CHRM3: variants seen among roughly 807,000 people sequenced by gnomAD.
The protein encoded by CHRM3 is muscarinic acetylcholine receptor M3.
In CHRM3, 11 loss-of-function variants were observed where a neutral mutation model predicts 41.8. That is an observed-to-expected ratio of 0.26 (90% CI 0.17 to 0.44). CHRM3 has a LOEUF of 0.44. Ranked by LOEUF, CHRM3 falls within the 20% of genes least tolerant of loss-of-function variation. The pLI, the probability that CHRM3 is intolerant of heterozygous loss-of-function variation, is 1.00. For synonymous variants in CHRM3, 297 were observed against 301.4 expected (o/e 0.99, Z 0.15); for missense variants, 571 against 745.4 (o/e 0.77, Z 2.72).
chr1:239,416,824 G>T (rs1661538116), intron 1 of CHRM3, among the ~76,000 whole-genome samples: 1 of 152,168 alleles, frequency 6.6e-6, no homozygotes, highest in South Asian at 2.1e-4. Context: ...CAATAAGTAT[G>T]AGGATGGATA....
intron 6 of CHRM3, among the ~76,000 whole-genome samples, chr1:239,846,318 C>T (rs1004104599): frequency 2.0e-5 from 3 of 152,110 alleles, no homozygotes; most frequent in Non-Finnish European, 4.4e-5. Flanking sequence ...GAGACTTGAA[C>T]ATATATCTAG....
intron 5 of CHRM3, among the ~76,000 whole-genome samples, chr1:239,799,260 A>T (rs575520091): frequency 6.6e-6 from 1 of 152,132 alleles, no homozygotes; most frequent in Non-Finnish European, 1.5e-5. Flanking sequence ...AGTGATGAGG[A>T]GTGGAGTGCA....
rs202235271 is a variant in CHRM3 at position 239,908,467 on chromosome 1, A to G, written c.1016A>G (p.Asn339Ser). 2.5e-6 allele frequency: 4 copies of G among 1,612,300 alleles called. No individual in the cohort carries two copies. The highest frequency in any genetic ancestry group is 3.4e-6 in the Non-Finnish European group (4 of 1,179,128). ...CACAGCAGCAGTGACAGTTGGAACAACAATGATGCTGCTGCCTCCCTGGAG... is the reference window on the plus strand; with the variant it reads ...CACAGCAGCAGTGACAGTTGGAACAGCAATGATGCTGCTGCCTCCCTGGAG... ...QDHSSSDSWN[N>S]NDAAASLENS... is the part of the protein sequence containing the mutation. The change falls in exon 7 of 7, where the codon AAC (asparagine) becomes AGC (serine). Residue 339 changes from asparagine to serine, a missense_variant. Transcript: ENST00000676153. The surrounding 1 kb of genome is among the most constrained non-coding windows in gnomAD (Gnocchi z 7.2).
At chr1:239,743,447 G>A (rs1487189292) in intron 5 of CHRM3, among the ~76,000 whole-genome samples, 1 of 152,340 alleles carries the variant, frequency 6.6e-6, no homozygotes, top group South Asian at 2.1e-4. Flanking sequence ...GGTGGCCTGA[G>A]CATGAGAGTC....
At chr1:239,570,037 T>A (rs1246853902) in intron 3 of CHRM3, among the ~76,000 whole-genome samples, 1 of 152,096 alleles carries the variant, frequency 6.6e-6, no homozygotes, top group Non-Finnish European at 1.5e-5. Flanking sequence ...AAAAGAAAGT[T>A]CAGGGTGATT....
intron 3 of CHRM3, among the ~76,000 whole-genome samples, chr1:239,562,888 CA>C (rs1269385069): frequency 0.051 from 2,609 of 51,260 alleles, 56 homozygotes; most frequent in African/African-American, 0.15. Context: ...ACTCTGTCTC[CA>C]AAAAAAAAAA....
rs552217967 is a variant in CHRM3 at position 239,458,403 on chromosome 1, T to A, written c.-520-34306T>A. 2.6e-5 allele frequency among the ~76,000 whole-genome samples: 4 copies of A among 152,232 alleles called. No homozygotes were observed. In the South Asian group the frequency reaches 8.3e-4, roughly 32 times the overall value. On this transcript the variant is annotated intron_variant, in intron 1 of 6. Coordinates refer to ENST00000676153, the MANE Select transcript of CHRM3 (RefSeq NM_001375978.1). Reference sequence around the variant, plus strand: ...TGGGTGTCTAGGAAGCAGAGCTAAATGTGTGATCAGGGCTGTATTGGTGTG... The same window carrying A: ...TGGGTGTCTAGGAAGCAGAGCTAAAAGTGTGATCAGGGCTGTATTGGTGTG...
At chr1:239,659,609 T>A (rs1425077458) in intron 4 of CHRM3, among the ~76,000 whole-genome samples, 1 of 152,230 alleles carries the variant, frequency 6.6e-6, no homozygotes, top group African/African-American at 2.4e-5. Flanking sequence ...AAATTTTAAT[T>A]CTTTGTCTTT....
chr1:239,642,911 CT>C (rs1238913213), intron 4 of CHRM3, among the ~76,000 whole-genome samples: 2 of 152,098 alleles, frequency 1.3e-5, no homozygotes, highest in Non-Finnish European at 2.9e-5. Context: ...TACTTTTGGT[CT>C]TTGATGATGG....
intron 6 of CHRM3, among the ~76,000 whole-genome samples, chr1:239,832,384 T>G (rs1306075731): frequency 6.6e-6 from 1 of 152,186 alleles, no homozygotes; most frequent in African/African-American, 2.4e-5. Context: ...TGACTTTTTC[T>G]TAGCAAAATC....
At chr1:239,729,768 A>C (rs930094531) in intron 5 of CHRM3, among the ~76,000 whole-genome samples, 4 of 150,962 alleles carry the variant, frequency 2.6e-5, no homozygotes, top group African/African-American at 9.9e-5. Flanking sequence ...GCATTGGTAA[A>C]AGATTCATTC....
intron 4 of CHRM3, among the ~76,000 whole-genome samples, chr1:239,650,035 C>T (rs990113274): frequency 5.3e-5 from 8 of 152,188 alleles, no homozygotes; most frequent in African/African-American, 7.2e-5. Flanking sequence ...AGACAGCCCT[C>T]GGTGTCCTGG....
intron 4 of CHRM3, among the ~76,000 whole-genome samples, chr1:239,647,911 G>C (rs1276407593): frequency 6.6e-6 from 1 of 151,290 alleles, no homozygotes; most frequent in Non-Finnish European, 1.5e-5. Context: ...CTACAAAATG[G>C]AAAAAAAATA....
Position 239,914,692 on chromosome 1 carries a change from T to A in CHRM3, c.*5468T>A, listed in dbSNP as rs1377081641. 1 of 167,092 alleles carries A rather than the reference T, an allele frequency of 6.0e-6. No homozygotes were observed. Among genetic ancestry groups the A allele is most frequent in the Non-Finnish European group, 1.5e-5 (1 of 68,118 alleles). The allele number at this position is 167,092 out of a possible 1,614,324, so 10.4% of individuals were successfully genotyped here. ...GAACAGGCTTCTCGGTTACTTGCCTTAGTAAAAGAAGTATCTGGAGGGCCT... is the reference window on the plus strand; with the variant it reads ...GAACAGGCTTCTCGGTTACTTGCCTAAGTAAAAGAAGTATCTGGAGGGCCT... On this transcript the variant is annotated 3_prime_UTR_variant, in exon 7 of 7. Transcript: ENST00000676153.
rs530968691 is a variant in CHRM3, at chr1:239,910,154, C to T, written c.*930C>T. 3 of 167,106 alleles carry T rather than the reference C, an allele frequency of 1.8e-5. No homozygotes were observed. The highest frequency in any genetic ancestry group is 7.2e-5 in the African/African-American group (3 of 41,540). The allele number at this position is 167,106 out of a possible 1,614,324, so 10.4% of individuals were successfully genotyped here. A position where few individuals can be genotyped will look rare whatever the true frequency, so the allele number is the denominator to read the frequency against. On this transcript the variant is annotated 3_prime_UTR_variant, in exon 7 of 7. Transcript: ENST00000676153. ...CTCCTTTGTTGATGTCTCAACAGAG[C>T]TAAATCGGGGCCCCTCTGAGCTCAA...
At chr1:239,728,567 A>T (rs928712679) in intron 5 of CHRM3, among the ~76,000 whole-genome samples, 2 of 152,028 alleles carry the variant, frequency 1.3e-5, no homozygotes, top group African/African-American at 4.8e-5. Context: ...TGCTCTTCAA[A>T]ATATTAACAA....
intron 3 of CHRM3, among the ~76,000 whole-genome samples, chr1:239,606,362 G>A (rs909889654): frequency 2.0e-5 from 3 of 151,848 alleles, no homozygotes; most frequent in East Asian, 2.0e-4. Context: ...TGCTACCTCC[G>A]CCTCCTGGGT....
chr1:239,692,167 C>G (rs74150633), intron 5 of CHRM3, among the ~76,000 whole-genome samples: 1 of 152,174 alleles, frequency 6.6e-6, no homozygotes, highest in South Asian at 2.1e-4. Flanking sequence ...CTGGGAGATA[C>G]ATTTAGGCAT....
At chr1:239,881,120 A>G (rs1233807128) in intron 6 of CHRM3, among the ~76,000 whole-genome samples, 4 of 151,698 alleles carry the variant, frequency 2.6e-5, no homozygotes, top group Non-Finnish European at 5.9e-5. Flanking sequence ...CGTCTCTACA[A>G]AAAATACAAA....
Sources: allele counts gnomAD v4.1 joint callset (sites outside exome capture counted in the v4.1 genomes callset), GRCh38; gene constraint gnomAD v4.1.1; non-coding constraint Gnocchi (gnomAD v3.1); transcripts MANE v1.5; gene names NCBI Gene and HGNC (gene_info 2026-07-23, HGNC 2026-07-21).